QTMAN: variants seen among roughly 807,000 people sequenced by gnomAD.
QTMAN encodes the protein queuosine-tRNA mannosyltransferase.
chr2:144,182,576 G>A, the QTMAN span, among the ~76,000 whole-genome samples: 8 of 146,460 alleles, frequency 5.5e-5, no homozygotes, highest in African/African-American at 1.0e-4. Context: ...CCAGGGAGGC[G>A]GAGTTTGCAG....
the QTMAN span, among the ~76,000 whole-genome samples, chr2:144,066,078 T>C: frequency 6.6e-6 from 1 of 152,200 alleles, no homozygotes; most frequent in Non-Finnish European, 1.5e-5. Context: ...AAATATCTTC[T>C]GCATGCTGTG....
chr2:144,049,314 T>C, the QTMAN span, among the ~76,000 whole-genome samples: 1 of 152,230 alleles, frequency 6.6e-6, no homozygotes, highest in Non-Finnish European at 1.5e-5. Context: ...AAGTAGCCTA[T>C]ATCTATAATT....
the QTMAN span, among the ~76,000 whole-genome samples, chr2:144,157,548 C>T: frequency 6.6e-6 from 1 of 151,768 alleles, no homozygotes; most frequent in African/African-American, 2.4e-5. Context: ...TCAGATATGG[C>T]CCAGGAAAGC....
At chr2:143,952,174 G>A in the QTMAN span, 4 of 704,482 alleles carry the variant, frequency 5.7e-6, no homozygotes, top group Non-Finnish European at 1.0e-5. Flanking sequence ...GCTCTGTGCC[G>A]CCTCGTGTTT....
At chr2:144,247,872 G>T in the QTMAN span, among the ~76,000 whole-genome samples, 1 of 152,004 alleles carries the variant, frequency 6.6e-6, no homozygotes, top group Non-Finnish European at 1.5e-5. Context: ...TTGTTTCTTG[G>T]TAGAGATGGG....
chr2:144,208,827 AT>A, the QTMAN span: 1 of 1,427,914 alleles, frequency 7.0e-7, no homozygotes, highest in African/African-American at 1.4e-5. Flanking sequence ...CAAAAAATGT[AT>A]ATTTTTTCCA....
At chr2:144,326,305 C>G in the QTMAN span, among the ~76,000 whole-genome samples, 1 of 152,066 alleles carries the variant, frequency 6.6e-6, no homozygotes, top group African/African-American at 2.4e-5. Context: ...TACACAGACT[C>G]AGCCAGGAAC....
At chr2:143,997,231 A>C in the QTMAN span, among the ~76,000 whole-genome samples, 1 of 152,136 alleles carries the variant, frequency 6.6e-6, no homozygotes, top group Non-Finnish European at 1.5e-5. Context: ...TTATTTATGA[A>C]CTTATCAAGT....
At chr2:143,990,707 C>T in the QTMAN span, among the ~76,000 whole-genome samples, 3 of 152,162 alleles carry the variant, frequency 2.0e-5, no homozygotes, top group African/African-American at 4.8e-5. Flanking sequence ...AAGAATTTCC[C>T]ATGATAAAAT....
At chr2:144,299,569 C>T in the QTMAN span, among the ~76,000 whole-genome samples, 1 of 152,190 alleles carries the variant, frequency 6.6e-6, no homozygotes, top group African/African-American at 2.4e-5. Flanking sequence ...TAAGCCCTTA[C>T]TTAATGCTAG....
At chr2:144,167,093 CATTCA>C in the QTMAN span, among the ~76,000 whole-genome samples, 5 of 152,284 alleles carry the variant, frequency 3.3e-5, no homozygotes, top group South Asian at 1.0e-3. Flanking sequence ...GTAGGTCTCC[CATTCA>C]ATTCAGTATG....
At chr2:144,113,741 A>G in the QTMAN span, among the ~76,000 whole-genome samples, 1 of 152,358 alleles carries the variant, frequency 6.6e-6, no homozygotes, top group South Asian at 2.1e-4. Context: ...AGAGGAAAAC[A>G]GTTTGAACAG....
chr2:144,178,920 T>C, the QTMAN span: 1 of 466,256 alleles, frequency 2.1e-6, no homozygotes, highest in East Asian at 7.1e-5. Flanking sequence ...TAACATTCCA[T>C]TCTCATCTCT....
At chr2:144,158,290 T>C in the QTMAN span, among the ~76,000 whole-genome samples, 351 of 152,144 alleles carry the variant, frequency 2.3e-3, 2 homozygotes, top group African/African-American at 7.8e-3. Flanking sequence ...CTGGCAACTC[T>C]GCCACCATGA....
the QTMAN span, chr2:144,177,163 T>G: frequency 1.4e-6 from 1 of 702,236 alleles, no homozygotes; most frequent in East Asian, 2.7e-5. Context: ...TAATTCTGCA[T>G]GAGATTTGGG....
chr2:144,171,532 A>G, the QTMAN span, among the ~76,000 whole-genome samples: 1 of 152,208 alleles, frequency 6.6e-6, no homozygotes, highest in African/African-American at 2.4e-5. Flanking sequence ...AAATCTTTAT[A>G]TTTTAATTAT....
At chr2:144,020,185 G>A in the QTMAN span, among the ~76,000 whole-genome samples, 4 of 152,110 alleles carry the variant, frequency 2.6e-5, no homozygotes, top group Non-Finnish European at 4.4e-5. Context: ...CTGGGTAGGG[G>A]AGGGTGGGGT....
At chr2:143,963,891 C>A in the QTMAN span, 3 of 152,072 alleles carry the variant, frequency 2.0e-5, no homozygotes, top group Admixed American at 2.0e-4. Context: ...CTTTCTCAAT[C>A]ATATTCTCGG....
the QTMAN span, among the ~76,000 whole-genome samples, chr2:144,111,959 C>T: frequency 1.3e-5 from 2 of 152,148 alleles, no homozygotes; most frequent in African/African-American, 4.8e-5. Flanking sequence ...GTATTTTACT[C>T]GGGTTTGTTA....
Sources: gnomAD v4.1 joint callset for allele counts (sites outside exome capture counted in the v4.1 genomes callset) on GRCh38, gnomAD v4.1.1 for gene constraint, MANE v1.5 for transcripts, NCBI Gene and HGNC (gene_info 2026-07-23, HGNC 2026-07-21) for gene names.